PIK3C2G: variants seen among roughly 807,000 people sequenced by gnomAD.
PIK3C2G encodes phosphatidylinositol 3-kinase C2 domain-containing subunit gamma.
PIK3C2G carries 168 observed loss-of-function variants against 181.1 expected under a neutral mutation model. That is an observed-to-expected ratio of 0.93 (90% confidence interval 0.82 to 1.05). PIK3C2G has a LOEUF of 1.05. PIK3C2G is among the 50% of genes least tolerant of loss of function. PIK3C2G has a pLI of 0.00. For synonymous variants in PIK3C2G, 573 were observed against 592.2 expected (o/e 0.97, Z 0.47); for missense variants, 1,869 against 1,732.8 (o/e 1.08, Z -1.40).
chr12:18,657,886 TTTAAA>T, the PIK3C2G span, among the ~76,000 whole-genome samples: 191 of 152,264 alleles, frequency 1.3e-3, no homozygotes, highest in Non-Finnish European at 2.3e-3. Context: ...CTAGACAGAC[TTTAAA>T]TTAACTATTT....
chr12:18,273,117 C>T (rs1033465108), intron 1 of PIK3C2G, among the ~76,000 whole-genome samples: 1 of 152,072 alleles, frequency 6.6e-6, no homozygotes, highest in African/African-American at 2.4e-5. Flanking sequence ...TCCAGCATTA[C>T]ACACAAAATA....
upstream of PIK3C2G, among the ~76,000 whole-genome samples, chr12:18,258,244 A>G (rs1183358900): frequency 6.6e-6 from 1 of 151,996 alleles, no homozygotes; most frequent in Non-Finnish European, 1.5e-5. Flanking sequence ...GTGGCTAAAT[A>G]AAGCTAATTA....
chr12:18,623,556 T>C (rs1159576186), intron 31 of PIK3C2G, among the ~76,000 whole-genome samples: 1 of 151,772 alleles, frequency 6.6e-6, no homozygotes, highest in African/African-American at 2.4e-5. Flanking sequence ...AGGATTCCTT[T>C]TTTTCTATAT....
intron 13 of PIK3C2G, among the ~76,000 whole-genome samples, chr12:18,381,010 TG>T (rs1942795883): frequency 6.6e-6 from 1 of 152,220 alleles, no homozygotes; most frequent in African/African-American, 2.4e-5. Flanking sequence ...CTGTGATCAC[TG>T]GAACATTTTA....
chr12:18,550,792 T>TG (rs1298265104), intron 26 of PIK3C2G, among the ~76,000 whole-genome samples: 1 of 152,068 alleles, frequency 6.6e-6, no homozygotes, highest in Non-Finnish European at 1.5e-5. Flanking sequence ...GCTCACAGAT[T>TG]GGGATCCCGA....
intron 8 of PIK3C2G, among the ~76,000 whole-genome samples, chr12:18,327,292 G>A (rs190097581): frequency 1.6e-3 from 239 of 152,092 alleles, no homozygotes; most frequent in African/African-American, 5.1e-3. Flanking sequence ...ACAATTTTGC[G>A]CTTTCTATTC....
At chr12:18,325,844 C>T (rs916590832) in intron 8 of PIK3C2G, among the ~76,000 whole-genome samples, 2 of 151,866 alleles carry the variant, frequency 1.3e-5, no homozygotes, top group African/African-American at 4.8e-5. Context: ...ATGAAAGAAG[C>T]AGACAGGGGC....
At chr12:18,619,885 C>T (rs1008432599) in intron 31 of PIK3C2G, among the ~76,000 whole-genome samples, 1 of 151,866 alleles carries the variant, frequency 6.6e-6, no homozygotes, top group African/African-American at 2.4e-5. Context: ...CCACCACTCC[C>T]GGTTAATTTA....
chr12:18,587,635 A>G (rs1488662115), intron 29 of PIK3C2G, among the ~76,000 whole-genome samples: 2 of 152,060 alleles, frequency 1.3e-5, no homozygotes, highest in Admixed American at 6.6e-5. Context: ...GCTCAAAACA[A>G]TTTACAGAGT....
At chr12:18,243,805 T>C (rs1257783236), upstream of PIK3C2G, among the ~76,000 whole-genome samples, 1 of 151,960 alleles carries the variant, frequency 6.6e-6, no homozygotes, top group Non-Finnish European at 1.5e-5. Flanking sequence ...GCTACTTTAA[T>C]AATGTAAATT....
the PIK3C2G span, among the ~76,000 whole-genome samples, chr12:18,699,045 C>G: frequency 6.6e-6 from 1 of 152,106 alleles, no homozygotes; most frequent in African/African-American, 2.4e-5. Context: ...TTTCTATTCT[C>G]TTTCTCAGGC....
intron 32 of PIK3C2G, 57 bp downstream of exon 32, chr12:18,640,611 C>CT: frequency 6.8e-7 from 1 of 1,464,902 alleles, no homozygotes; most frequent in South Asian, 1.3e-5. Context: ...CATTTTTCAG[C>CT]TTAACAACCA....
At chr12:18,717,620 A>G in the PIK3C2G span, among the ~76,000 whole-genome samples, 1 of 152,238 alleles carries the variant, frequency 6.6e-6, no homozygotes, top group East Asian at 1.9e-4. Context: ...CATGGAAACC[A>G]CAGAACCCTT....
intron 29 of PIK3C2G, among the ~76,000 whole-genome samples, chr12:18,584,714 A>T (rs1946682647): frequency 6.6e-6 from 1 of 152,206 alleles, no homozygotes; most frequent in Non-Finnish European, 1.5e-5. Context: ...ATTCTACAGA[A>T]GATAATCATC....
chr12:18,303,135 TTTC>T (rs900338285), intron 5 of PIK3C2G, among the ~76,000 whole-genome samples: 9 of 141,800 alleles, frequency 6.3e-5, no homozygotes, highest in African/African-American at 1.0e-4. Flanking sequence ...TCTTTCTTTC[TTTC>T]TTTTCTTTTC....
At chr12:18,546,933 T>C (rs1298833374) in intron 26 of PIK3C2G, among the ~76,000 whole-genome samples, 1 of 152,030 alleles carries the variant, frequency 6.6e-6, no homozygotes, top group Non-Finnish European at 1.5e-5. Flanking sequence ...CAGAATATGA[T>C]GAATATCAGA....
At chr12:18,611,206 G>A (rs1816971) in intron 31 of PIK3C2G, among the ~76,000 whole-genome samples, 50,892 of 151,826 alleles carry the variant, frequency 0.34, 9,441 homozygotes, top group East Asian at 0.74. Context: ...AAGAGCAAGA[G>A]TTTCAGATTG....
At chr12:18,367,309 G>T (rs1345354109) in intron 12 of PIK3C2G, among the ~76,000 whole-genome samples, 1 of 152,102 alleles carries the variant, frequency 6.6e-6, no homozygotes, top group African/African-American at 2.4e-5. Context: ...AAATGAATAT[G>T]ACAAGTGTGA....
At chr12:18,631,744 G>T (rs896877793) in intron 31 of PIK3C2G, among the ~76,000 whole-genome samples, 1 of 152,132 alleles carries the variant, frequency 6.6e-6, no homozygotes, top group African/African-American at 2.4e-5. Flanking sequence ...TCAAGGATGA[G>T]GGGGGCACCA....
Sources: allele counts gnomAD v4.1 joint callset (sites outside exome capture counted in the v4.1 genomes callset), GRCh38; gene constraint gnomAD v4.1.1; transcripts MANE v1.5; gene names NCBI Gene and HGNC (gene_info 2026-07-23, HGNC 2026-07-21).